Variants in CSMD1 observed in about 807,000 individuals in gnomAD.
CSMD1 encodes the protein CUB and sushi domain-containing protein 1.
CSMD1 carries 213 observed loss-of-function variants against 417.5 expected under a neutral mutation model. That is an observed-to-expected ratio of 0.51 (90% confidence interval 0.46 to 0.57). The LOEUF is 0.57. CSMD1 is among the 20% of genes least tolerant of loss of function. CSMD1 has a pLI of 0.00. For missense variants in CSMD1, 6,923 were observed against 4,529.7 expected, an observed-to-expected ratio of 1.53 and a Z score of -15.17; for synonymous variants, 2,862 against 1,736.8, an observed-to-expected ratio of 1.65 and a Z score of -16.11.
chr8:4,360,620 G>C (rs369022741), intron 3 of CSMD1, among the ~76,000 whole-genome samples: 14 of 149,388 alleles, frequency 9.4e-5, no homozygotes, highest in African/African-American at 3.3e-4. Flanking sequence ...CTCCAGAGTA[G>C]CTGAGACTAC....
chr8:4,415,200 C>A (rs1047717561), intron 3 of CSMD1, among the ~76,000 whole-genome samples: 63 of 152,240 alleles, frequency 4.1e-4, no homozygotes, highest in Middle Eastern at 3.4e-3. Context: ...AACCCAGGCT[C>A]AGGATCATCC....
chr8:3,496,719 G>A (rs908422732), intron 10 of CSMD1, among the ~76,000 whole-genome samples: 5 of 151,970 alleles, frequency 3.3e-5, no homozygotes, highest in Admixed American at 1.3e-4. Context: ...CCAGCTACTC[G>A]GGAAGCTGAG....
Position 4,942,713 on chromosome 8 carries a change from C to A in CSMD1, c.85+51619G>T, listed in dbSNP as rs151279568. Among the ~76,000 whole-genome samples the A allele has an allele frequency of 4.2e-3, 637 of 152,274 alleles. 1 individual carries two copies. Among genetic ancestry groups the A allele is most frequent in the African/African-American group, 0.014 (602 of 41,552 alleles). ...ATAGGCAGTTTGGCAGACACAGAATCAGTGGAGAATCCAATACCGACCTTC... is the reference window on the plus strand; with the variant it reads ...ATAGGCAGTTTGGCAGACACAGAATAAGTGGAGAATCCAATACCGACCTTC... On this transcript the variant is annotated intron_variant, in intron 1 of 69. Coordinates refer to ENST00000635120, the MANE Select transcript of CSMD1 (RefSeq NM_033225.6).
intron 62 of CSMD1, 65 bp from the exon 63 acceptor site, chr8:2,957,872 A>C (rs1404571834): frequency 4.6e-6 from 5 of 1,078,762 alleles, no homozygotes; most frequent in Non-Finnish European, 7.0e-6. Context: ...AACTAGTGAT[A>C]CCTGAAAGTA....
chr8:3,495,384 G>C (rs938049112), intron 10 of CSMD1, among the ~76,000 whole-genome samples: 2 of 152,062 alleles, frequency 1.3e-5, no homozygotes, highest in Non-Finnish European at 2.9e-5. Context: ...TGTGTGTCAT[G>C]TTTGGCTGAT....
intron 1 of CSMD1, among the ~76,000 whole-genome samples, chr8:4,795,317 G>C (rs890754661): frequency 1.0e-4 from 13 of 125,056 alleles, no homozygotes; most frequent in African/African-American, 3.8e-4. Flanking sequence ...TGTCGCCTAG[G>C]CTGGAGTGCA....
At chr8:4,681,106 G>A (rs1026743625) in intron 1 of CSMD1, among the ~76,000 whole-genome samples, 1 of 152,042 alleles carries the variant, frequency 6.6e-6, no homozygotes, top group Non-Finnish European at 1.5e-5. Context: ...TGTCTCTCCT[G>A]ATTAACGAAG....
At chr8:4,886,413 G>C (rs1432012302) in intron 1 of CSMD1, among the ~76,000 whole-genome samples, 1 of 151,838 alleles carries the variant, frequency 6.6e-6, no homozygotes. Context: ...ATAATGTTTT[G>C]TTGAGGAAAT....
chr8:4,905,582 G>A (rs1401241109), intron 1 of CSMD1, among the ~76,000 whole-genome samples: 1 of 151,896 alleles, frequency 6.6e-6, no homozygotes, highest in Non-Finnish European at 1.5e-5. Flanking sequence ...CACTTTGGGA[G>A]GCCAAGGTGG....
chr8:3,528,058 T>A lies in CSMD1; in HGVS notation c.1345-34332A>T, dbSNP rs1190136121. Among the ~76,000 whole-genome samples the A allele has an allele frequency of 2.6e-5, 4 of 152,132 alleles. 1 individual carries two copies. The East Asian group carries it at 7.8e-4, about 30-fold the overall frequency. On this transcript the variant is annotated intron_variant, in intron 10 of 69. Transcript: ENST00000635120. ...GCCATTTGTCCCCTGGGTGGCAAAA[T>A]CCAAACCACCCCCATATAAGAACCA...
intron 7 of CSMD1, among the ~76,000 whole-genome samples, chr8:3,666,192 G>T (rs574783602): frequency 6.6e-6 from 1 of 152,268 alleles, no homozygotes; most frequent in African/African-American, 2.4e-5. Context: ...CACCACGCTT[G>T]GCTTGATGCT....
At chr8:4,657,221 A>G (rs985682794) in intron 1 of CSMD1, among the ~76,000 whole-genome samples, 2 of 152,074 alleles carry the variant, frequency 1.3e-5, no homozygotes, top group African/African-American at 4.8e-5. Flanking sequence ...AAACTTTCAC[A>G]CCTGGTTGAG....
intron 25 of CSMD1, among the ~76,000 whole-genome samples, chr8:3,285,078 T>C (rs145164668): frequency 2.8e-4 from 43 of 152,260 alleles, no homozygotes; most frequent in African/African-American, 9.6e-4. Context: ...AAGGGTTTAG[T>C]TGAAACACCA....
chr8:4,124,410 T>C (rs202012927), intron 3 of CSMD1, among the ~76,000 whole-genome samples: 2 of 86 alleles, frequency 0.023, no homozygotes, highest in Non-Finnish European at 0.25. Context: ...TTGTATTTAA[T>C]TTTTTTCCCT....
chr8:4,350,345 G>A (rs560020946), intron 3 of CSMD1, among the ~76,000 whole-genome samples: 1 of 152,160 alleles, frequency 6.6e-6, no homozygotes, highest in Non-Finnish European at 1.5e-5. Context: ...CACACAAACT[G>A]TGAACCAAGA....
chr8:4,868,484 C>T (rs1563632025), intron 1 of CSMD1, among the ~76,000 whole-genome samples: 1 of 152,040 alleles, frequency 6.6e-6, no homozygotes, highest in East Asian at 1.9e-4. Context: ...GATCCGCCTG[C>T]CTCGGTCTCC....
At position 4,032,010 on chromosome 8, in the gene CSMD1, A is replaced by T; in HGVS notation, c.505T>A (p.Tyr169Asn). 2 of 1,613,948 alleles carry T rather than the reference A, an allele frequency of 1.2e-6. No individual in the cohort carries two copies. Among genetic ancestry groups the T allele is most frequent in the Non-Finnish European group, 1.7e-6 (2 of 1,179,864 alleles). Residue 169 changes from tyrosine to asparagine, a missense_variant, in exon 4 of 70, where the codon TAC (tyrosine) becomes AAC (asparagine). Coordinates refer to ENST00000635120, the MANE Select transcript of CSMD1 (RefSeq NM_033225.6). ...AAGATGTAGCCAGGGAGGCAGCTGT[A>T]CCGGATTTTGTCTCCTATGTTGAAT... is the stretch of plus-strand genomic sequence containing the variant. ...TRFNIGDKIRYSCLPGYILEG... is the reference protein window; with the variant it reads ...TRFNIGDKIRNSCLPGYILEG...
chr8:2,951,091 T>A, intron 66 of CSMD1, 23 bp downstream of exon 66: 1 of 1,605,334 alleles, frequency 6.2e-7, no homozygotes. Context: ...CACCATGCGT[T>A]TAGTGAATTC....
rs571976939 is a variant in CSMD1, at chr8:4,066,074, C to T, written c.416-33975G>A. On this transcript the variant is annotated intron_variant, in intron 3 of 69. Coordinates refer to ENST00000635120, the MANE Select transcript of CSMD1 (RefSeq NM_033225.6). ...ATGGGAAAGCCTGGAATAGGTGGCTCATTTACAAAACAATGAAAACAGTTC... is the reference window on the plus strand; with the variant it reads ...ATGGGAAAGCCTGGAATAGGTGGCTTATTTACAAAACAATGAAAACAGTTC... Among the ~76,000 whole-genome samples, 6 of 152,342 alleles carry T rather than the reference C, an allele frequency of 3.9e-5. No individual in the cohort carries two copies. The South Asian group carries it at 6.2e-4, about 16-fold the overall frequency.
Sources: gnomAD v4.1 joint callset for allele counts (sites outside exome capture counted in the v4.1 genomes callset) on GRCh38, gnomAD v4.1.1 for gene constraint, MANE v1.5 for transcripts, NCBI Gene and HGNC (gene_info 2026-07-23, HGNC 2026-07-21) for gene names.